The following TLN2 variants were observed in gnomAD, a reference collection of about 807,000 sequenced individuals.
The protein encoded by TLN2 is talin 2.
In TLN2, 118 loss-of-function variants were observed where a neutral mutation model predicts 294.7. The ratio of observed to expected loss-of-function variants is 0.40; its 90% CI spans 0.34 to 0.47. The LOEUF (loss-of-function observed/expected upper bound fraction) is 0.47, where lower values mean the gene tolerates loss of function less well. Ranked by LOEUF, TLN2 falls within the 20% of genes least tolerant of loss-of-function variation. TLN2 has a pLI of 0.84. For synonymous variants in TLN2, 1,431 were observed against 1,304.5 expected (o/e 1.10, Z -2.09); for missense variants, 3,083 against 3,282.2 (o/e 0.94, Z 1.48).
intron 1 of TLN2, among the ~76,000 whole-genome samples, chr15:62,475,064 G>A (rs936490309): frequency 6.6e-6 from 1 of 152,118 alleles, no homozygotes; most frequent in African/African-American, 2.4e-5. Flanking sequence ...TACCCATTTA[G>A]TGAGGGTGGG....
chr15:62,635,626 C>T (rs1009188913), intron 3 of TLN2, among the ~76,000 whole-genome samples: 4 of 152,068 alleles, frequency 2.6e-5, no homozygotes, highest in Non-Finnish European at 4.4e-5. Context: ...TCAGACAGAC[C>T]TGGGTTAAAC....
chr15:62,827,298 G>A (rs891669351), intron 54 of TLN2, among the ~76,000 whole-genome samples: 6 of 152,170 alleles, frequency 3.9e-5, no homozygotes, highest in South Asian at 2.1e-4. Context: ...GAGGAGGAGC[G>A]GGGGCAGTGG....
At chr15:62,568,740 G>C (rs181496827) in intron 1 of TLN2, among the ~76,000 whole-genome samples, 84 of 152,246 alleles carry the variant, frequency 5.5e-4, no homozygotes, top group Non-Finnish European at 1.0e-3. Flanking sequence ...TGGGCTTTTG[G>C]GGGTGGGAAC....
intron 47 of TLN2, 86 bp downstream of exon 47, chr15:62,796,379 A>G (rs2065478977): frequency 6.9e-7 from 1 of 1,447,606 alleles, no homozygotes. Context: ...CCTGGGAGCC[A>G]GAAATGTAGT....
At chr15:62,675,071 T>C in intron 10 of TLN2, 146 bp from the exon 11 acceptor site, 1 of 696,556 alleles carries the variant, frequency 1.4e-6, no homozygotes, top group Non-Finnish European at 2.4e-6. Context: ...AGCAGTTGCC[T>C]GTGTCATGGA....
chr15:62,767,630 C>T (rs536008911), intron 41 of TLN2, among the ~76,000 whole-genome samples: 5 of 152,280 alleles, frequency 3.3e-5, no homozygotes, highest in East Asian at 1.9e-4. Flanking sequence ...TGAGCCACTG[C>T]GCCCGGCTGG....
At chr15:62,549,685 TTAGAG>T (rs1318326437) in intron 1 of TLN2, among the ~76,000 whole-genome samples, 3 of 152,208 alleles carry the variant, frequency 2.0e-5, no homozygotes, top group African/African-American at 7.2e-5. Context: ...CTGTGGAAGT[TTAGAG>T]AAGAGTGGTT....
At chr15:62,716,203 G>A (rs1195887748) in intron 22 of TLN2, 128 bp from the exon 23 acceptor site, 12 of 1,158,288 alleles carry the variant, frequency 1.0e-5, no homozygotes, top group Non-Finnish European at 1.4e-5. Context: ...TCATCATAAA[G>A]ATATTGCTTG....
At chr15:62,539,780 C>T (rs921831734) in intron 1 of TLN2, among the ~76,000 whole-genome samples, 2 of 152,064 alleles carry the variant, frequency 1.3e-5, no homozygotes, top group African/African-American at 4.8e-5. Flanking sequence ...TGCTGTCTAT[C>T]TGGCCATCAT....
At chr15:62,759,546 C>T (rs1463806) in intron 37 of TLN2, among the ~76,000 whole-genome samples, 98,930 of 152,124 alleles carry the variant, frequency 0.65, 32,652 homozygotes, top group Non-Finnish European at 0.71. Flanking sequence ...TCTTTTTAGT[C>T]TGAAGAAGTT....
intron 1 of TLN2, among the ~76,000 whole-genome samples, chr15:62,498,166 A>G (rs1181077288): frequency 1.3e-5 from 2 of 151,558 alleles, no homozygotes; most frequent in Non-Finnish European, 2.9e-5. Context: ...AAAAAAAAAA[A>G]AAAAAAAAGA....
At chr15:62,817,247 A>T (rs1265551097) in intron 52 of TLN2, among the ~76,000 whole-genome samples, 1 of 152,106 alleles carries the variant, frequency 6.6e-6, no homozygotes, top group African/African-American at 2.4e-5. Flanking sequence ...GTTCTTTTGG[A>T]ACTGGTCTAG....
intron 3 of TLN2, among the ~76,000 whole-genome samples, chr15:62,624,207 G>A (rs1192736336): frequency 6.6e-6 from 1 of 152,208 alleles, no homozygotes; most frequent in Admixed American, 6.5e-5. Flanking sequence ...TGTTTGGCTT[G>A]CACCTTTGCA....
intron 1 of TLN2, among the ~76,000 whole-genome samples, chr15:62,572,821 G>T (rs2044006476): frequency 6.6e-6 from 1 of 151,524 alleles, no homozygotes; most frequent in Admixed American, 6.6e-5. Context: ...GTGGGCACCT[G>T]ACCCCCTGTT....
At position 62,660,446 on chromosome 15, in the gene TLN2, T is replaced by C. The variant is rs181550042; in HGVS notation, c.788+2548T>C. 7.2e-5 allele frequency among the ~76,000 whole-genome samples: 11 copies of C among 152,282 alleles called. No homozygotes were observed. In the East Asian group the frequency reaches 2.1e-3, roughly 29 times the overall value. On this transcript the variant is annotated intron_variant, in intron 9 of 58. Coordinates refer to ENST00000636159, the MANE Select transcript of TLN2 (RefSeq NM_015059.3). ...GAGACAGAGACAAGGCCCAGAACAG[T>C]CAAGTGTGGGGAGCCAGGAAAAAGC...
intron 1 of TLN2, among the ~76,000 whole-genome samples, chr15:62,569,647 T>C (rs986737243): frequency 2.6e-5 from 4 of 152,198 alleles, no homozygotes; most frequent in Non-Finnish European, 4.4e-5. Context: ...GTGAACTCAG[T>C]GGCAGTAATT....
At chr15:62,816,273 G>C (rs1298083136) in intron 52 of TLN2, among the ~76,000 whole-genome samples, 2 of 152,190 alleles carry the variant, frequency 1.3e-5, no homozygotes, top group Non-Finnish European at 2.9e-5. Context: ...TTTGCTGTTT[G>C]CTCGTTTATC....
At chr15:62,751,688 C>A (rs1595879476) in intron 34 of TLN2, among the ~76,000 whole-genome samples, 1 of 152,308 alleles carries the variant, frequency 6.6e-6, no homozygotes, top group African/African-American at 2.4e-5. Flanking sequence ...ACATTGGGCA[C>A]CCTGTACCTG....
intron 2 of TLN2, among the ~76,000 whole-genome samples, chr15:62,592,145 A>G (rs922526616): frequency 1.3e-5 from 2 of 152,170 alleles, no homozygotes; most frequent in Non-Finnish European, 2.9e-5. Flanking sequence ...AAAGGACTGA[A>G]TTATTTAGCA....
Sources: allele counts gnomAD v4.1 joint callset (sites outside exome capture counted in the v4.1 genomes callset), GRCh38; gene constraint gnomAD v4.1.1; transcripts MANE v1.5; gene names NCBI Gene and HGNC (gene_info 2026-07-23, HGNC 2026-07-21).